HS6ST3: variants seen among roughly 807,000 people sequenced by gnomAD.
HS6ST3 encodes the protein heparan-sulfate 6-O-sulfotransferase 3.
In HS6ST3, 12 loss-of-function variants were observed where a neutral mutation model predicts 36.7. The observed-to-expected ratio is 0.33, with a 90% CI of 0.21 to 0.53. HS6ST3 has a LOEUF of 0.53. Ranked by LOEUF, HS6ST3 falls within the 20% of genes least tolerant of loss-of-function variation. HS6ST3 has a pLI of 0.95. For synonymous variants in HS6ST3, 240 were observed against 257.5 expected (o/e 0.93, Z 0.65); for missense variants, 584 against 640.9 (o/e 0.91, Z 0.96).
At chr13:96,773,680 G>A (rs1877324889) in intron 1 of HS6ST3, among the ~76,000 whole-genome samples, 1 of 152,188 alleles carries the variant, frequency 6.6e-6, no homozygotes, top group South Asian at 2.1e-4. Context: ...TCCCCAGTCA[G>A]GGGCTTATAG....
intron 1 of HS6ST3, among the ~76,000 whole-genome samples, chr13:96,589,255 T>G (rs887703583): frequency 6.6e-6 from 1 of 152,092 alleles, no homozygotes; most frequent in African/African-American, 2.4e-5. Flanking sequence ...TTTCTATTTC[T>G]TCATAATTCA....
At chr13:96,340,608 G>A (rs1006764567) in intron 1 of HS6ST3, among the ~76,000 whole-genome samples, 1 of 152,196 alleles carries the variant, frequency 6.6e-6, no homozygotes, top group African/African-American at 2.4e-5. Context: ...AGACACTGAA[G>A]AACTGGAGGG....
At chr13:96,604,513 C>T (rs2056431890) in intron 1 of HS6ST3, among the ~76,000 whole-genome samples, 1 of 151,906 alleles carries the variant, frequency 6.6e-6, no homozygotes, top group Non-Finnish European at 1.5e-5. Context: ...TTTGAAATAA[C>T]CAGAAAAGAA....
intron 1 of HS6ST3, among the ~76,000 whole-genome samples, chr13:96,379,412 A>G (rs1196959100): frequency 2.6e-5 from 4 of 152,178 alleles, no homozygotes; most frequent in Non-Finnish European, 1.5e-5. Context: ...GGACACAGTG[A>G]GAAGGTGCCA....
intron 1 of HS6ST3, among the ~76,000 whole-genome samples, chr13:96,733,624 T>C (rs1338995560): frequency 1.3e-5 from 2 of 152,206 alleles, no homozygotes; most frequent in African/African-American, 4.8e-5. Context: ...TTTAAAAATG[T>C]CTTTGTAACC....
intron 1 of HS6ST3, among the ~76,000 whole-genome samples, chr13:96,100,009 T>C (rs2053810284): frequency 6.6e-6 from 1 of 151,970 alleles, no homozygotes; most frequent in African/African-American, 2.4e-5. Flanking sequence ...CAAGGTGACA[T>C]GCCAAGAAAG....
At chr13:96,167,327 T>C (rs2054165867) in intron 1 of HS6ST3, among the ~76,000 whole-genome samples, 1 of 152,202 alleles carries the variant, frequency 6.6e-6, no homozygotes, top group African/African-American at 2.4e-5. Flanking sequence ...GAAAGAGATA[T>C]CTTTAACTCA....
chr13:96,488,025 A>C (rs1372774854), intron 1 of HS6ST3, among the ~76,000 whole-genome samples: 1 of 152,154 alleles, frequency 6.6e-6, no homozygotes, highest in Non-Finnish European at 1.5e-5. Flanking sequence ...AAAATTATTT[A>C]ACTCTGCAAA....
chr13:96,656,727 C>T (rs1028439908), intron 1 of HS6ST3, among the ~76,000 whole-genome samples: 6 of 152,086 alleles, frequency 3.9e-5, no homozygotes, highest in African/African-American at 1.4e-4. Context: ...CTGGTGGAAT[C>T]CTTCAATGAA....
At chr13:96,594,753 A>G (rs958028998) in intron 1 of HS6ST3, among the ~76,000 whole-genome samples, 1 of 152,116 alleles carries the variant, frequency 6.6e-6, no homozygotes, top group African/African-American at 2.4e-5. Context: ...AGGTATAGTG[A>G]TTTACACACC....
chr13:96,791,946 C>G (rs572675583), intron 1 of HS6ST3, among the ~76,000 whole-genome samples: 1 of 152,072 alleles, frequency 6.6e-6, no homozygotes, highest in South Asian at 2.1e-4. Context: ...AGTATACACA[C>G]AAATGTGCCA....
At chr13:96,124,755 G>T (rs1055503919) in intron 1 of HS6ST3, among the ~76,000 whole-genome samples, 9 of 152,206 alleles carry the variant, frequency 5.9e-5, no homozygotes, top group Non-Finnish European at 1.2e-4. Context: ...ACCACATGTG[G>T]CTTGCTACCT....
At chr13:96,353,703 A>T (rs749392321) in intron 1 of HS6ST3, among the ~76,000 whole-genome samples, 7 of 152,212 alleles carry the variant, frequency 4.6e-5, no homozygotes, top group Admixed American at 3.3e-4. Flanking sequence ...ACCTTTACTT[A>T]TGCAACAGCC....
At chr13:96,402,487 A>T (rs140751806) in intron 1 of HS6ST3, among the ~76,000 whole-genome samples, 36 of 152,334 alleles carry the variant, frequency 2.4e-4, no homozygotes, top group Non-Finnish European at 5.0e-4. Context: ...ATGACTTTTG[A>T]AAACTGTATA....
At chr13:96,227,865 T>A (rs2054488499) in intron 1 of HS6ST3, among the ~76,000 whole-genome samples, 1 of 152,216 alleles carries the variant, frequency 6.6e-6, no homozygotes, top group Non-Finnish European at 1.5e-5. Flanking sequence ...TCCAGTTGCT[T>A]TATGATCTCA....
intron 1 of HS6ST3, among the ~76,000 whole-genome samples, chr13:96,690,560 T>C (rs1308754247): frequency 6.6e-6 from 1 of 152,098 alleles, no homozygotes; most frequent in East Asian, 1.9e-4. Context: ...AAGGAATAAA[T>C]GCTGAGGAAG....
At chr13:96,547,527 G>C (rs1035339870) in intron 1 of HS6ST3, among the ~76,000 whole-genome samples, 7 of 152,152 alleles carry the variant, frequency 4.6e-5, no homozygotes, top group Non-Finnish European at 7.3e-5. Flanking sequence ...TGATAGAATA[G>C]CTTTCCCTTA....
chr13:96,609,126 C>A (rs1023319181), intron 1 of HS6ST3, among the ~76,000 whole-genome samples: 1 of 141,208 alleles, frequency 7.1e-6, no homozygotes, highest in African/African-American at 2.5e-5. Flanking sequence ...CCCGCCACCA[C>A]GCCCAGCTAA....
intron 1 of HS6ST3, among the ~76,000 whole-genome samples, chr13:96,415,333 G>A (rs1594775187): frequency 6.6e-6 from 1 of 152,216 alleles, no homozygotes; most frequent in South Asian, 2.1e-4. Context: ...GCCCCAAGTC[G>A]TGCTGATGAA....
Sources: gnomAD v4.1 joint callset for allele counts (sites outside exome capture counted in the v4.1 genomes callset) on GRCh38, gnomAD v4.1.1 for gene constraint, MANE v1.5 for transcripts, NCBI Gene and HGNC (gene_info 2026-07-23, HGNC 2026-07-21) for gene names.